Variants in RD3 observed in about 807,000 individuals in gnomAD.
RD3 encodes RD3 regulator of GUCY2D.
In RD3, 11 loss-of-function variants were observed where a neutral mutation model predicts 16.9. That is an observed-to-expected ratio of 0.65 (90% CI 0.41 to 1.08). The LOEUF is 1.08. Among genes scored for constraint, RD3 ranks in the 50% least tolerant of loss-of-function variants. The probability of loss-of-function intolerance (pLI) is 0.00; values close to 1 mark genes in which losing one functional copy is unlikely to be tolerated. For synonymous variants in RD3, 116 were observed against 114.8 expected, an observed-to-expected ratio of 1.01 and a Z score of -0.07; for missense variants, 274 against 267.4, an observed-to-expected ratio of 1.02 and a Z score of -0.17.
intron 1 of RD3, among the ~76,000 whole-genome samples, chr1:211,489,248 T>A (rs950570020): frequency 1.3e-5 from 2 of 152,166 alleles, no homozygotes; most frequent in Admixed American, 1.3e-4. Context: ...TACCCTTGGG[T>A]CCTAGGGAAA....
intron 1 of RD3, among the ~76,000 whole-genome samples, chr1:211,484,411 CT>C (rs950677972): frequency 1.3e-5 from 2 of 152,032 alleles, no homozygotes; most frequent in African/African-American, 2.4e-5. Context: ...CCTTAGGGAG[CT>C]TTTTTTTCTT....
At chr1:211,486,796 T>C (rs1166371117) in intron 1 of RD3, among the ~76,000 whole-genome samples, 1 of 152,022 alleles carries the variant, frequency 6.6e-6, no homozygotes, top group East Asian at 1.9e-4. Flanking sequence ...TGAGCCGAGA[T>C]TGCACCATTG....
chr1:211,478,041 GGGTTTGGGCATCACTTTCTGGAGAAAGC>G lies in RD3; in HGVS notation c.*967_*994del, dbSNP rs2102365549. 1 of 398,680 alleles carries G rather than the reference GGGTTTGGGCATCACTTTCTGGAGAAAGC, an allele frequency of 2.5e-6. No individual in the cohort carries two copies. Among genetic ancestry groups the G allele is most frequent in the South Asian group, 1.3e-4 (1 of 7,856 alleles). The allele number at this position is 398,680 out of a possible 1,614,324, so 24.7% of individuals were successfully genotyped here. ...ACTCAGCTGCCTCAAGGTCAGTCAG[GGGTTTGGGCATCACTTTCTGGAGAAAGC>G]CAGAGAGCAGGTGTGACCAGCTGCA... On this transcript the variant is annotated 3_prime_UTR_variant, in exon 3 of 3. Transcript: ENST00000680073.
At chr1:211,481,569 T>C in intron 1 of RD3, 143 bp from the exon 2 acceptor site, 2 of 693,064 alleles carry the variant, frequency 2.9e-6, no homozygotes, top group South Asian at 3.6e-5. Context: ...TGGCCTCAAG[T>C]AGGTGGCTTA....
At chr1:211,487,539 T>C (rs138843208) in intron 1 of RD3, among the ~76,000 whole-genome samples, 48 of 152,354 alleles carry the variant, frequency 3.2e-4, no homozygotes, top group Middle Eastern at 6.8e-3. Flanking sequence ...TTGATAGATA[T>C]TTATCACACT....
At chr1:211,484,989 A>T (rs180675473) in intron 1 of RD3, among the ~76,000 whole-genome samples, 16 of 152,316 alleles carry the variant, frequency 1.1e-4, no homozygotes, top group Non-Finnish European at 1.5e-4. Context: ...TCAGTCCCTA[A>T]GCCTGACCTC....
intron 1 of RD3, among the ~76,000 whole-genome samples, chr1:211,486,290 AG>A (rs1309895965): frequency 2.6e-5 from 4 of 152,052 alleles, no homozygotes; most frequent in African/African-American, 4.8e-5. Flanking sequence ...GGATCACCTG[AG>A]GTCACGAGTT....
chr1:211,478,994 C>A lies in RD3; in HGVS notation c.*42G>T, dbSNP rs773964686. Reference sequence around the variant, plus strand: ...GCTCCGGTCACCGGCCTATCATTCCCCCTGCAGAAGGCTCCGCTTCTGGGC... The same window carrying A: ...GCTCCGGTCACCGGCCTATCATTCCACCTGCAGAAGGCTCCGCTTCTGGGC... On this transcript the variant is annotated 3_prime_UTR_variant, in exon 3 of 3. Transcript: ENST00000680073. 6.5e-7 allele frequency: 1 copy of A among 1,540,290 alleles called. No individual in the cohort carries two copies. Among genetic ancestry groups the A allele is most frequent in the South Asian group, 1.2e-5 (1 of 83,358 alleles).
chr1:211,489,799 A>T (rs927368964), intron 1 of RD3, among the ~76,000 whole-genome samples: 4 of 151,940 alleles, frequency 2.6e-5, no homozygotes, highest in African/African-American at 9.7e-5. Flanking sequence ...GTGTTGGGAG[A>T]GCTGAGCCTC....
chr1:211,484,197 AG>A (rs768115053), intron 1 of RD3, among the ~76,000 whole-genome samples: 1 of 152,208 alleles, frequency 6.6e-6, no homozygotes, highest in East Asian at 1.9e-4. Flanking sequence ...GTATGTGGTC[AG>A]GGCCTGTGCC....
chr1:211,486,374 G>A (rs544408386), intron 1 of RD3, among the ~76,000 whole-genome samples: 11 of 150,136 alleles, frequency 7.3e-5, no homozygotes, highest in Admixed American at 2.0e-4. Flanking sequence ...GCATGGTGGC[G>A]GGCACCTGTA....
chr1:211,488,682 C>T lies in RD3; in HGVS notation c.-12+3086G>A, dbSNP rs1250006184. Among the ~76,000 whole-genome samples, 3 of 152,212 alleles carry T rather than the reference C, an allele frequency of 2.0e-5. No homozygotes were observed. In the East Asian group the frequency reaches 5.8e-4, roughly 29 times the overall value. ...GGCTGGGCCCTGCTTGTTAAGACCCCTATCCATCTTGGGGTCCTTAGTAAG... is the reference window on the plus strand; with the variant it reads ...GGCTGGGCCCTGCTTGTTAAGACCCTTATCCATCTTGGGGTCCTTAGTAAG... On this transcript the variant is annotated intron_variant, in intron 1 of 2. Transcript: ENST00000680073.
chr1:211,481,000 A>T (rs557109690), intron 2 of RD3, 120 bp downstream of exon 2: 1 of 1,049,526 alleles, frequency 9.5e-7, no homozygotes, highest in East Asian at 2.6e-5. Context: ...TGCTCCTTCT[A>T]ACAGATAACT....
intron 1 of RD3, among the ~76,000 whole-genome samples, chr1:211,490,724 C>A (rs540405917): frequency 6.0e-4 from 91 of 152,298 alleles, no homozygotes; most frequent in African/African-American, 2.1e-3. Context: ...TATGAGCGGG[C>A]CTGACCTGTG....
At position 211,481,209 on chromosome 1, in the gene RD3, G is replaced by T; in HGVS notation, c.207C>A (p.Ser69=). 2 of 1,614,254 alleles carry T rather than the reference G, an allele frequency of 1.2e-6. No homozygotes were observed. Among genetic ancestry groups the T allele is most frequent in the Non-Finnish European group, 1.7e-6 (2 of 1,180,042 alleles). ...GCTCAATGGGGCTGAGGTCATAGGT[G>T]GACCGGGGTGTGCTGGCCAGCCAGC... ...DYSWLASTPR[S]TYDLSPIERL... Residue 69 remains serine, a synonymous_variant, in exon 2 of 3, where the codon TCC becomes TCA. Coordinates refer to ENST00000680073, the MANE Select transcript of RD3 (RefSeq NM_001164688.2).
intron 1 of RD3, among the ~76,000 whole-genome samples, chr1:211,489,080 A>G (rs1705432815): frequency 6.6e-6 from 1 of 152,222 alleles, no homozygotes; most frequent in Admixed American, 6.5e-5. Context: ...CCCAAGCCTC[A>G]GTTTCCCCAA....
At chr1:211,488,223 A>G (rs957473309) in intron 1 of RD3, among the ~76,000 whole-genome samples, 2 of 152,172 alleles carry the variant, frequency 1.3e-5, no homozygotes, top group African/African-American at 4.8e-5. Flanking sequence ...CTTATGAGAC[A>G]CAATCAGGTG....
At chr1:211,479,647 A>T (rs1201439961) in intron 2 of RD3, among the ~76,000 whole-genome samples, 1 of 139,036 alleles carries the variant, frequency 7.2e-6, no homozygotes, top group Admixed American at 6.9e-5. Flanking sequence ...GTTGATGACG[A>T]AGCATTAAGG....
At chr1:211,489,562 A>AT (rs929316282) in intron 1 of RD3, among the ~76,000 whole-genome samples, 1 of 141,376 alleles carries the variant, frequency 7.1e-6, no homozygotes, top group Admixed American at 6.9e-5. Flanking sequence ...ATCATAAATC[A>AT]TTTTTTCTTT....
Sources: allele counts gnomAD v4.1 joint callset (sites outside exome capture counted in the v4.1 genomes callset), GRCh38; gene constraint gnomAD v4.1.1; transcripts MANE v1.5; gene names NCBI Gene and HGNC (gene_info 2026-07-23, HGNC 2026-07-21).